Variants in GPC6 observed in about 807,000 individuals in gnomAD.
GPC6 encodes glypican 6.
GPC6 carries 14 observed loss-of-function variants against 55.2 expected under a neutral mutation model. The observed-to-expected ratio is 0.25, with a 90% CI of 0.17 to 0.40. The LOEUF (loss-of-function observed/expected upper bound fraction) is 0.40. Ranked by LOEUF, GPC6 falls within the 10% of genes least tolerant of loss-of-function variation. The pLI is 1.00. For synonymous variants in GPC6, 278 were observed against 259.6 expected (o/e 1.07, Z -0.68); for missense variants, 641 against 708.5 (o/e 0.90, Z 1.08).
chr13:93,893,346 G>C (rs7350665), intron 3 of GPC6, among the ~76,000 whole-genome samples: 1 of 151,998 alleles, frequency 6.6e-6, no homozygotes, highest in Non-Finnish European at 1.5e-5. Flanking sequence ...ATGATCCACC[G>C]CTCCCGGCCA....
intron 1 of GPC6, among the ~76,000 whole-genome samples, chr13:93,354,368 T>TTTTTTTTTTTTA (rs1880758931): frequency 6.7e-6 from 1 of 149,702 alleles, no homozygotes; most frequent in African/African-American, 2.5e-5. Context: ...TTTTTTTTTT[T>TTTTTTTTTTTTA]GAGACAGAGT....
chr13:93,867,306 C>T (rs1374907562), intron 3 of GPC6, among the ~76,000 whole-genome samples: 1 of 151,716 alleles, frequency 6.6e-6, no homozygotes, highest in Non-Finnish European at 1.5e-5. Flanking sequence ...TTTGACGTCT[C>T]TCTAACATTG....
intron 2 of GPC6, among the ~76,000 whole-genome samples, chr13:93,809,925 A>G (rs963782940): frequency 1.3e-5 from 2 of 152,182 alleles, no homozygotes; most frequent in African/African-American, 4.8e-5. Context: ...TTTAATTTAC[A>G]TTCCTTGCTC....
At position 93,556,452 on chromosome 13, in the gene GPC6, G is replaced by T. The variant is rs557873986; in HGVS notation, c.319+11031G>T. Among the ~76,000 whole-genome samples, 535 of 144,514 alleles carry T rather than the reference G, an allele frequency of 3.7e-3. 3 individuals are homozygous for T. Among genetic ancestry groups the T allele is most frequent in the Non-Finnish European group, 5.3e-3 (351 of 66,380 alleles). 94.8% of individuals were successfully genotyped at this position (144,514 alleles called of 152,430 possible). ...TATATATTTTGGGGGTACATGAGAT[G>T]TTTTGATACAGGCATGCAGTGTGAA... On this transcript the variant is annotated intron_variant, in intron 2 of 8. Coordinates refer to ENST00000377047, the MANE Select transcript of GPC6 (RefSeq NM_005708.5).
At chr13:93,461,787 T>TA (rs1225958674) in intron 1 of GPC6, among the ~76,000 whole-genome samples, 5 of 152,200 alleles carry the variant, frequency 3.3e-5, no homozygotes, top group Admixed American at 2.0e-4. Flanking sequence ...ATGCTGATTT[T>TA]AAAAAATCAT....
chr13:93,877,586 T>A (rs1874664815), intron 3 of GPC6, among the ~76,000 whole-genome samples: 2 of 152,120 alleles, frequency 1.3e-5, no homozygotes, highest in Non-Finnish European at 2.9e-5. Flanking sequence ...TAGTGTATGA[T>A]AGACTTGTCA....
At chr13:93,862,337 AT>A (rs1318321816) in intron 3 of GPC6, among the ~76,000 whole-genome samples, 1 of 151,418 alleles carries the variant, frequency 6.6e-6, no homozygotes, top group Non-Finnish European at 1.5e-5. Flanking sequence ...CAGCCTAAGA[AT>A]GGACTTTGCT....
chr13:94,205,363 G>A (rs1185386708), intron 4 of GPC6, among the ~76,000 whole-genome samples: 1 of 152,142 alleles, frequency 6.6e-6, no homozygotes. Flanking sequence ...TACGTTTCTT[G>A]TGTATTTTTG....
chr13:93,671,680 TCACTTCTCACCA>T, intron 2 of GPC6, among the ~76,000 whole-genome samples: 1 of 152,138 alleles, frequency 6.6e-6, no homozygotes, highest in Admixed American at 6.6e-5. Flanking sequence ...CCCTCTCTCC[TCACTTCTCACCA>T]CAGCGGGTAC....
intron 1 of GPC6, among the ~76,000 whole-genome samples, chr13:93,368,940 A>G (rs958879796): frequency 2.0e-5 from 3 of 151,944 alleles, no homozygotes; most frequent in African/African-American, 4.8e-5. Context: ...CCTTTGATTA[A>G]TGTTTGCATA....
chr13:93,418,493 G>A (rs1156992167), intron 1 of GPC6, among the ~76,000 whole-genome samples: 7 of 145,180 alleles, frequency 4.8e-5, no homozygotes, highest in African/African-American at 1.9e-4. Flanking sequence ...ATGCTGTAGT[G>A]TTATTTTATT....
chr13:93,551,696 G>T (rs1337670661), intron 2 of GPC6, among the ~76,000 whole-genome samples: 1 of 152,126 alleles, frequency 6.6e-6, no homozygotes, highest in African/African-American at 2.4e-5. Flanking sequence ...GGTGGGGAAA[G>T]GAATGATTAT....
At chr13:94,362,555 G>A (rs1879106308) in intron 6 of GPC6, among the ~76,000 whole-genome samples, 1 of 152,128 alleles carries the variant, frequency 6.6e-6, no homozygotes, top group African/African-American at 2.4e-5. Flanking sequence ...GGGGTGAAAG[G>A]TGGACAAAGA....
chr13:93,895,653 T>C (rs971105885), intron 3 of GPC6, among the ~76,000 whole-genome samples: 1 of 152,086 alleles, frequency 6.6e-6, no homozygotes, highest in African/African-American at 2.4e-5. Context: ...CTTGTTTTTG[T>C]TATTTTAATG....
At chr13:93,287,111 A>G (rs1878155091) in intron 1 of GPC6, among the ~76,000 whole-genome samples, 1 of 152,208 alleles carries the variant, frequency 6.6e-6, no homozygotes, top group Non-Finnish European at 1.5e-5. Context: ...ACCCCCACCA[A>G]GATATCTCAT....
intron 4 of GPC6, among the ~76,000 whole-genome samples, chr13:94,222,882 C>G (rs1458744132): frequency 6.6e-6 from 1 of 152,142 alleles, no homozygotes; most frequent in African/African-American, 2.4e-5. Flanking sequence ...AGCAATGCCT[C>G]ACCATCTTAG....
intron 1 of GPC6, among the ~76,000 whole-genome samples, chr13:93,500,965 G>A (rs1167184023): frequency 6.6e-6 from 1 of 152,156 alleles, no homozygotes; most frequent in Non-Finnish European, 1.5e-5. Context: ...GTGATGCACT[G>A]TTGTGTTAAC....
At chr13:93,866,104 G>T (rs532403794) in intron 3 of GPC6, among the ~76,000 whole-genome samples, 289 of 151,810 alleles carry the variant, frequency 1.9e-3, no homozygotes, top group African/African-American at 6.5e-3. Flanking sequence ...TGCAAGTTTT[G>T]AAAAGCAGGT....
intron 2 of GPC6, among the ~76,000 whole-genome samples, chr13:93,777,991 G>A (rs1046541927): frequency 2.0e-5 from 3 of 152,160 alleles, no homozygotes; most frequent in African/African-American, 7.2e-5. Flanking sequence ...GATCTTGAAA[G>A]AGGAGTCAAA....
Sources: allele counts gnomAD v4.1 joint callset (sites outside exome capture counted in the v4.1 genomes callset), GRCh38; gene constraint gnomAD v4.1.1; transcripts MANE v1.5; gene names NCBI Gene and HGNC (gene_info 2026-07-23, HGNC 2026-07-21).